The following EEF1AKMT1 variants were observed in gnomAD, a reference collection of about 807,000 sequenced individuals.
EEF1AKMT1 encodes EEF1A lysine methyltransferase 1.
A neutral mutation model predicts 21.0 loss-of-function variants in EEF1AKMT1; 18 were observed. The ratio of observed to expected loss-of-function variants is 0.86; its 90% CI spans 0.59 to 1.27. EEF1AKMT1 has a LOEUF of 1.27. Ranked by LOEUF, EEF1AKMT1 falls within the 50% of genes most tolerant of loss-of-function variation. EEF1AKMT1 has a pLI of 0.00. For missense variants in EEF1AKMT1, 246 were observed against 258.6 expected (o/e 0.95, Z 0.33); for synonymous variants, 109 against 94.8 (o/e 1.15, Z -0.87).
intron 2 of EEF1AKMT1, among the ~76,000 whole-genome samples, chr13:20,739,202 C>T (rs1376909318): frequency 1.3e-5 from 2 of 152,124 alleles, no homozygotes; most frequent in Non-Finnish European, 2.9e-5. Flanking sequence ...GGTAACTTCG[C>T]TGGTTTCAGG....
At chr13:20,759,731 A>G (rs1456415721) in intron 1 of EEF1AKMT1, among the ~76,000 whole-genome samples, 1 of 152,220 alleles carries the variant, frequency 6.6e-6, no homozygotes, top group East Asian at 1.9e-4. Flanking sequence ...AATGCTCAGC[A>G]TCACTAATTA....
chr13:20,763,916 T>C (rs2059013676), intron 1 of EEF1AKMT1, among the ~76,000 whole-genome samples: 1 of 152,246 alleles, frequency 6.6e-6, no homozygotes, highest in African/African-American at 2.4e-5. Flanking sequence ...TAGAGATGTT[T>C]ATAGCAGTCC....
intron 2 of EEF1AKMT1, among the ~76,000 whole-genome samples, chr13:20,756,559 G>C (rs979820656): frequency 7.9e-5 from 12 of 152,200 alleles, no homozygotes; most frequent in Non-Finnish European, 1.8e-4. Context: ...GCAGAAGTTT[G>C]TATTGGATGT....
At chr13:20,762,104 G>A (rs1216503237) in intron 1 of EEF1AKMT1, among the ~76,000 whole-genome samples, 1 of 151,810 alleles carries the variant, frequency 6.6e-6, no homozygotes, top group Non-Finnish European at 1.5e-5. Context: ...TTATTTTTCG[G>A]GGTCTTCCAA....
intron 1 of EEF1AKMT1, among the ~76,000 whole-genome samples, chr13:20,760,104 C>CG (rs2058993227): frequency 1.8e-5 from 1 of 56,240 alleles, no homozygotes; most frequent in South Asian, 1.2e-3. Context: ...GACTCTGTCT[C>CG]AAAAAAAAAA....
chr13:20,762,507 A>C (rs1388777423), intron 1 of EEF1AKMT1, among the ~76,000 whole-genome samples: 2 of 151,846 alleles, frequency 1.3e-5, no homozygotes, highest in African/African-American at 4.8e-5. Context: ...TAGTGAGCTG[A>C]ATAGGAGTGA....
intron 2 of EEF1AKMT1, among the ~76,000 whole-genome samples, chr13:20,754,741 C>CAAAAAAAAAAAAA (rs56777421): frequency 2.6e-5 from 3 of 116,578 alleles, no homozygotes; most frequent in Non-Finnish European, 1.8e-5. Context: ...ACCAAAAATA[C>CAAAAAAAAAAAAA]AAAAAAAAAA....
At chr13:20,732,256 ATAGT>A (rs1443765958) in intron 3 of EEF1AKMT1, 135 bp from the exon 4 acceptor site, 33 of 917,862 alleles carry the variant, frequency 3.6e-5, no homozygotes, top group Non-Finnish European at 5.1e-5. Context: ...AACTAGTGTA[ATAGT>A]TAATGTTGAG....
intron 2 of EEF1AKMT1, among the ~76,000 whole-genome samples, chr13:20,744,813 TG>T (rs139510887): frequency 0.76 from 114,899 of 152,010 alleles, 45,036 homozygotes; most frequent in East Asian, 1. Context: ...TTTTATGATT[TG>T]GGGGTTTTAC....
intron 4 of EEF1AKMT1, among the ~76,000 whole-genome samples, chr13:20,729,950 G>A (rs987911126): frequency 6.6e-6 from 1 of 152,172 alleles, no homozygotes; most frequent in Non-Finnish European, 1.5e-5. Flanking sequence ...GTTGCGTCCC[G>A]TCGCCTTGGG....
In EEF1AKMT1 at chr13:20,757,672, G is replaced by C. The variant is rs1001465416; in HGVS notation, c.-19-55C>G. On this transcript the variant is annotated intron_variant, in intron 1 of 4. Coordinates refer to ENST00000382758, the MANE Select transcript of EEF1AKMT1 (RefSeq NM_001318939.2). ...AGATTTTGTTTCCCCTTCCCAGCCAGTAATAATTTTTAAAAATTTTTATTT... is the reference window on the plus strand; with the variant it reads ...AGATTTTGTTTCCCCTTCCCAGCCACTAATAATTTTTAAAAATTTTTATTT... 18 of 1,405,602 alleles carry C rather than the reference G, an allele frequency of 1.3e-5. 1 individual carries two copies. In the Admixed American group the frequency reaches 2.4e-4, roughly 19 times the overall value. 87.1% of individuals were successfully genotyped at this position (1,405,602 alleles called of 1,614,324 possible). A position where few individuals can be genotyped will look rare whatever the true frequency, so the allele number is the denominator to read the frequency against.
At position 20,771,994 on chromosome 13, in the gene EEF1AKMT1, GGAGT is replaced by G. The variant is rs2059065121; in HGVS notation, c.-20+1923_-20+1926del. 5.5e-5 allele frequency among the ~76,000 whole-genome samples: 8 copies of G among 145,668 alleles called. No individual in the cohort carries two copies. The South Asian group carries it at 1.8e-3, about 34-fold the overall frequency. On this transcript the variant is annotated intron_variant, in intron 1 of 4. Transcript: ENST00000382758. ...CCATTGCACTCCAGCCTGAATGACA[GGAGT>G]GAGACTACATTTCAAAAAAAAAAAA...
At chr13:20,762,102 C>T (rs956629708) in intron 1 of EEF1AKMT1, among the ~76,000 whole-genome samples, 3 of 151,186 alleles carry the variant, frequency 2.0e-5, no homozygotes, top group Non-Finnish European at 4.4e-5. Context: ...CTTTATTTTT[C>T]GGGGTCTTCC....
At chr13:20,740,042 G>C (rs1161222546) in intron 2 of EEF1AKMT1, among the ~76,000 whole-genome samples, 1 of 152,256 alleles carries the variant, frequency 6.6e-6, no homozygotes, top group East Asian at 1.9e-4. Flanking sequence ...GGAGGCTCGG[G>C]CATGGTGGGT....
rs1443817531 is a variant in EEF1AKMT1 at position 20,729,224 on chromosome 13, G to C, written c.509-8C>G. 6 of 1,614,068 alleles carry C rather than the reference G, an allele frequency of 3.7e-6. No individual in the cohort carries two copies. Among genetic ancestry groups the C allele is most frequent in the Non-Finnish European group, 5.1e-6 (6 of 1,180,028 alleles). ...GTTCTTCCATGATGGCACCTGAAGA[G>C]AACAAAGCAAATGAATCCAGAGAGT... is the stretch of plus-strand genomic sequence containing the variant. On this transcript the variant is annotated splice_region_variant and splice_polypyrimidine_tract_variant and intron_variant, in intron 4 of 4. Coordinates refer to ENST00000382758, the MANE Select transcript of EEF1AKMT1 (RefSeq NM_001318939.2).
At chr13:20,748,715 G>GGTTTTTTGTTT (rs1555326495) in intron 2 of EEF1AKMT1, among the ~76,000 whole-genome samples, 9 of 105,810 alleles carry the variant, frequency 8.5e-5, no homozygotes, top group African/African-American at 2.9e-4. Context: ...ATGTATAGTT[G>GGTTTTTTGTTT]TTTTTTTTTG....
chr13:20,745,042 A>G (rs1332177376), intron 2 of EEF1AKMT1, among the ~76,000 whole-genome samples: 1 of 152,172 alleles, frequency 6.6e-6, no homozygotes, highest in Non-Finnish European at 1.5e-5. Flanking sequence ...CCATTGGTCT[A>G]TATATCTGTT....
chr13:20,770,417 A>G (rs2059056893), intron 1 of EEF1AKMT1, among the ~76,000 whole-genome samples: 1 of 152,178 alleles, frequency 6.6e-6, no homozygotes, highest in Non-Finnish European at 1.5e-5. Flanking sequence ...TTCAGTCAAC[A>G]CGGGGTTGTC....
At chr13:20,729,455 G>C (rs539962515) in intron 4 of EEF1AKMT1, among the ~76,000 whole-genome samples, 1 of 151,694 alleles carries the variant, frequency 6.6e-6, no homozygotes, top group Admixed American at 6.6e-5. Context: ...CCTCTGCAAA[G>C]CCGAGACACT....
Sources: gnomAD v4.1 joint callset for allele counts (sites outside exome capture counted in the v4.1 genomes callset) on GRCh38, gnomAD v4.1.1 for gene constraint, MANE v1.5 for transcripts, NCBI Gene and HGNC (gene_info 2026-07-23, HGNC 2026-07-21) for gene names.